PLEKHM3: variants seen among roughly 807,000 people sequenced by gnomAD.
PLEKHM3 encodes the protein pleckstrin homology domain-containing family M member 3.
A neutral mutation model predicts 81.8 loss-of-function variants in PLEKHM3; 45 were observed. The ratio of observed to expected loss-of-function variants is 0.55; its 90% CI spans 0.43 to 0.71. The LOEUF (loss-of-function observed/expected upper bound fraction) is 0.71, where lower values mean the gene tolerates loss of function less well. Ranked by LOEUF, PLEKHM3 falls within the 30% of genes least tolerant of loss-of-function variation. The pLI, the probability that PLEKHM3 is intolerant of heterozygous loss-of-function variation, is 0.00. For synonymous variants in PLEKHM3, 352 were observed against 356.4 expected, an observed-to-expected ratio of 0.99 and a Z score of 0.14; for missense variants, 788 against 924.3, an observed-to-expected ratio of 0.85 and a Z score of 1.91.
intron 5 of PLEKHM3, among the ~76,000 whole-genome samples, chr2:207,920,205 G>A (rs780693080): frequency 4.6e-5 from 7 of 152,082 alleles, no homozygotes; most frequent in Non-Finnish European, 8.8e-5. Flanking sequence ...AAATTGCTTC[G>A]GAATGGTCTA....
In PLEKHM3 at chr2:207,912,231, T is replaced by A. The variant is rs935925324; in HGVS notation, c.1887-3654A>T. The stretch of plus-strand genomic sequence containing the variant: ...AATTAACCAACTTTGGTCACAATCA[T>A]CTCTAATATTCCTTCAACATTATTT... On this transcript the variant is annotated intron_variant, in intron 5 of 7. Coordinates refer to ENST00000427836, the MANE Select transcript of PLEKHM3 (RefSeq NM_001080475.3). 2.6e-5 allele frequency among the ~76,000 whole-genome samples: 4 copies of A among 152,226 alleles called. No homozygotes were observed. The South Asian group carries it at 8.3e-4, about 32-fold the overall frequency.
At chr2:208,018,630 T>C (rs1693011311) in intron 1 of PLEKHM3, among the ~76,000 whole-genome samples, 1 of 152,160 alleles carries the variant, frequency 6.6e-6, no homozygotes, top group South Asian at 2.1e-4. Context: ...CATCTATCCA[T>C]TTCTCTGTCT....
intron 1 of PLEKHM3, among the ~76,000 whole-genome samples, chr2:208,020,929 T>G (rs1425835666): frequency 6.6e-6 from 1 of 152,176 alleles, no homozygotes; most frequent in East Asian, 1.9e-4. Context: ...GGAAACTGAC[T>G]AGAGATAAAG....
At chr2:208,002,134 TA>T (rs2106094056) in intron 1 of PLEKHM3, among the ~76,000 whole-genome samples, 177 bp from the exon 2 acceptor site, 1 of 152,308 alleles carries the variant, frequency 6.6e-6, no homozygotes, top group African/African-American at 2.4e-5. Context: ...CCGCTTTGGA[TA>T]AAAACTTACA....
At chr2:207,840,809 T>G (rs557630780) in intron 7 of PLEKHM3, among the ~76,000 whole-genome samples, 1 of 144,456 alleles carries the variant, frequency 6.9e-6, no homozygotes, top group African/African-American at 2.5e-5. Flanking sequence ...GTTTTTTTTT[T>G]TTTTTTTTTT....
At chr2:208,023,311 T>C (rs1693189534) in intron 1 of PLEKHM3, among the ~76,000 whole-genome samples, 1 of 152,010 alleles carries the variant, frequency 6.6e-6, no homozygotes, top group Non-Finnish European at 1.5e-5. Context: ...TCCAGCCCCA[T>C]CTTAACTATT....
At chr2:207,847,678 C>G (rs1332559606) in intron 7 of PLEKHM3, among the ~76,000 whole-genome samples, 2 of 152,156 alleles carry the variant, frequency 1.3e-5, no homozygotes, top group African/African-American at 2.4e-5. Context: ...CAAAATGTTC[C>G]TCTTCAACAC....
In PLEKHM3 at chr2:207,828,031, C is replaced by T. The variant is rs180758429; in HGVS notation, c.*288G>A. 11 of 212,760 alleles carry T rather than the reference C, an allele frequency of 5.2e-5. No homozygotes were observed. Among genetic ancestry groups the T allele is most frequent in the Non-Finnish European group, 9.1e-5 (10 of 109,480 alleles). 13.2% of individuals were successfully genotyped at this position (212,760 alleles called of 1,614,324 possible). Reference sequence around the variant, plus strand: ...GAACTATAAAGCATTGTGTATACCACGTTTTGTCTGGGAGCAAGCAGCTGA... The same window carrying T: ...GAACTATAAAGCATTGTGTATACCATGTTTTGTCTGGGAGCAAGCAGCTGA... On this transcript the variant is annotated 3_prime_UTR_variant, in exon 8 of 8. Coordinates refer to ENST00000427836, the MANE Select transcript of PLEKHM3 (RefSeq NM_001080475.3).
At chr2:207,943,976 T>A (rs1434434250) in intron 4 of PLEKHM3, among the ~76,000 whole-genome samples, 1 of 151,736 alleles carries the variant, frequency 6.6e-6, no homozygotes, top group Non-Finnish European at 1.5e-5. Context: ...CAATAGGCAA[T>A]TAAAGCCACA....
chr2:207,913,898 C>T (rs1026933149), intron 5 of PLEKHM3, among the ~76,000 whole-genome samples: 7 of 151,674 alleles, frequency 4.6e-5, no homozygotes, highest in Non-Finnish European at 8.8e-5. Flanking sequence ...CTTTCAAATA[C>T]ACACATTTGC....
intron 6 of PLEKHM3, among the ~76,000 whole-genome samples, chr2:207,891,930 G>T (rs905326990): frequency 6.6e-6 from 1 of 152,166 alleles, no homozygotes; most frequent in African/African-American, 2.4e-5. Flanking sequence ...AGTAACTCAG[G>T]TGACATTTTA....
At chr2:207,939,207 A>G (rs1009664020) in intron 4 of PLEKHM3, among the ~76,000 whole-genome samples, 1 of 152,224 alleles carries the variant, frequency 6.6e-6, no homozygotes, top group African/African-American at 2.4e-5. Flanking sequence ...ATAAGTTTTT[A>G]TCTAATACAC....
At chr2:207,859,161 G>A (rs2092453696) in intron 7 of PLEKHM3, among the ~76,000 whole-genome samples, 1 of 135,818 alleles carries the variant, frequency 7.4e-6, no homozygotes, top group Non-Finnish European at 1.6e-5. Flanking sequence ...TTTTGAGATG[G>A]AGTTTCACTT....
intron 6 of PLEKHM3, among the ~76,000 whole-genome samples, chr2:207,865,939 T>C (rs1206582261): frequency 1.3e-5 from 2 of 149,528 alleles, no homozygotes; most frequent in Non-Finnish European, 3.0e-5. Flanking sequence ...TAGCATAAAG[T>C]GTTCAAGGTT....
At chr2:207,840,943 C>T (rs1013052732) in intron 7 of PLEKHM3, among the ~76,000 whole-genome samples, 1 of 150,026 alleles carries the variant, frequency 6.7e-6, no homozygotes, top group Non-Finnish European at 1.5e-5. Flanking sequence ...TGGGATTACA[C>T]GTGTGTGCCA....
chr2:207,992,700 G>A (rs1176622417), intron 2 of PLEKHM3, among the ~76,000 whole-genome samples: 5 of 151,786 alleles, frequency 3.3e-5, no homozygotes, highest in African/African-American at 1.2e-4. Context: ...AGAGTAAAAT[G>A]TGCCATGGGA....
intron 5 of PLEKHM3, among the ~76,000 whole-genome samples, chr2:207,923,874 CACACACAT>C (rs1170419194): frequency 2.6e-5 from 1 of 38,784 alleles, no homozygotes; most frequent in African/African-American, 9.8e-5. Context: ...CACACACACA[CACACACAT>C]ATATATATAT....
chr2:207,910,025 A>G (rs1413760169), intron 5 of PLEKHM3, among the ~76,000 whole-genome samples: 1 of 152,132 alleles, frequency 6.6e-6, no homozygotes, highest in African/African-American at 2.4e-5. Flanking sequence ...TCTAGTAAGG[A>G]CCTCTCCCGG....
chr2:207,876,560 C>T (rs770320747), intron 6 of PLEKHM3, among the ~76,000 whole-genome samples: 2 of 152,184 alleles, frequency 1.3e-5, no homozygotes, highest in Non-Finnish European at 1.5e-5. Flanking sequence ...TTATGGGTCT[C>T]TTAGGCTTCA....
Sources: allele counts gnomAD v4.1 joint callset (sites outside exome capture counted in the v4.1 genomes callset), GRCh38; gene constraint gnomAD v4.1.1; transcripts MANE v1.5; gene names NCBI Gene and HGNC (gene_info 2026-07-23, HGNC 2026-07-21).